Variants in MACROD2 observed in about 807,000 individuals in gnomAD.
MACROD2 encodes mono-ADP ribosylhydrolase 2.
MACROD2 carries 36 observed loss-of-function variants against 70.4 expected under a neutral mutation model. The ratio of observed to expected loss-of-function variants is 0.51; its 90% CI spans 0.39 to 0.68. The LOEUF is 0.68. Among genes scored for constraint, MACROD2 ranks in the 30% least tolerant of loss-of-function variants. MACROD2 has a pLI of 0.00. For synonymous variants in MACROD2, 172 were observed against 178.8 expected (o/e 0.96, Z 0.30); for missense variants, 496 against 538.4 (o/e 0.92, Z 0.78).
At chr20:15,127,558 T>C (rs887981889) in intron 5 of MACROD2, among the ~76,000 whole-genome samples, 2 of 152,072 alleles carry the variant, frequency 1.3e-5, no homozygotes, top group Admixed American at 1.3e-4. Flanking sequence ...TGGTTGGAGC[T>C]GGAGGCTCTA....
intron 3 of MACROD2, among the ~76,000 whole-genome samples, chr20:14,214,446 A>G (rs957076126): frequency 6.6e-5 from 10 of 152,130 alleles, no homozygotes; most frequent in Admixed American, 3.9e-4. Context: ...GTTGTTATGT[A>G]TTGAACACAA....
chr20:15,932,836 A>G (rs2065599621), intron 10 of MACROD2, among the ~76,000 whole-genome samples: 2 of 152,220 alleles, frequency 1.3e-5, no homozygotes, highest in South Asian at 4.1e-4. Flanking sequence ...AGACTGCCAT[A>G]TGGAAGTTAA....
At chr20:15,261,035 C>T (rs1190304256) in intron 6 of MACROD2, among the ~76,000 whole-genome samples, 2 of 151,908 alleles carry the variant, frequency 1.3e-5, no homozygotes, top group Non-Finnish European at 2.9e-5. Context: ...AAACTATTGG[C>T]CTTGCTATAT....
rs1033713722 is a variant in MACROD2, at chr20:15,590,944, A to AGG, written c.645+91098_645+91099insGG. Among the ~76,000 whole-genome samples the AGG allele has an allele frequency of 5.5e-5, 7 of 126,952 alleles. No individual in the cohort carries two copies. In the Admixed American group the frequency reaches 6.2e-4, roughly 11 times the overall value. The allele number at this position is 126,952 out of a possible 152,430, so 83.3% of individuals were successfully genotyped here. A position where few individuals can be genotyped will look rare whatever the true frequency, so the allele number is the denominator to read the frequency against. ...GAAAGAAGGAAGGAAGGAAAGAGAG[A>AGG]GAAAGAAAGAAAGAAAAAGAAAGAA... On this transcript the variant is annotated intron_variant, in intron 8 of 17. Coordinates refer to ENST00000684519, the MANE Select transcript of MACROD2 (RefSeq NM_001351661.2).
chr20:15,217,216 A>C (rs755560999), intron 5 of MACROD2, among the ~76,000 whole-genome samples: 1 of 152,194 alleles, frequency 6.6e-6, no homozygotes, highest in Non-Finnish European at 1.5e-5. Context: ...ATATTGACTA[A>C]ATAGAGAAGA....
intron 8 of MACROD2, among the ~76,000 whole-genome samples, chr20:15,543,653 A>C (rs1195210748): frequency 6.6e-6 from 1 of 152,226 alleles, no homozygotes; most frequent in Admixed American, 6.5e-5. Context: ...GCAGTGGCTT[A>C]AAACAGTAAG....
intron 8 of MACROD2, among the ~76,000 whole-genome samples, chr20:15,514,422 A>G (rs1411780190): frequency 1.3e-5 from 2 of 152,246 alleles, no homozygotes; most frequent in African/African-American, 4.8e-5. Context: ...ATGTTTAGAT[A>G]CACAAGTACT....
At chr20:14,173,570 T>C (rs1348084664) in intron 3 of MACROD2, among the ~76,000 whole-genome samples, 1 of 152,230 alleles carries the variant, frequency 6.6e-6, no homozygotes, top group African/African-American at 2.4e-5. Flanking sequence ...TTCTCTGGTT[T>C]CCCTGATTCA....
intron 7 of MACROD2, among the ~76,000 whole-genome samples, chr20:15,458,367 A>G (rs149527773): frequency 4.1e-4 from 63 of 152,248 alleles, no homozygotes; most frequent in African/African-American, 1.5e-3. Flanking sequence ...CAAACTCAGG[A>G]CGATATTTGG....
chr20:15,115,910 G>A (rs1353238314), intron 5 of MACROD2, among the ~76,000 whole-genome samples: 1 of 152,138 alleles, frequency 6.6e-6, no homozygotes, highest in East Asian at 1.9e-4. Context: ...GATCTTCAAA[G>A]TGAGTGTGTA....
intron 5 of MACROD2, among the ~76,000 whole-genome samples, chr20:14,980,876 T>A (rs888548749): frequency 6.6e-5 from 10 of 152,142 alleles, no homozygotes; most frequent in African/African-American, 2.4e-4. Flanking sequence ...CTAATTCACT[T>A]TTTCCTTGCT....
At chr20:14,023,338 A>G (rs117559519) in intron 2 of MACROD2, among the ~76,000 whole-genome samples, 3,531 of 152,224 alleles carry the variant, frequency 0.023, 54 homozygotes, top group Non-Finnish European at 0.039. Context: ...ATTGTTTCCC[A>G]TTCTGTAGGT....
At chr20:15,045,646 A>G (rs2075387327) in intron 5 of MACROD2, among the ~76,000 whole-genome samples, 1 of 149,890 alleles carries the variant, frequency 6.7e-6, no homozygotes, top group Non-Finnish European at 1.5e-5. Context: ...AAAGGCCACC[A>G]TTACCCATAG....
Position 13,999,546 on chromosome 20 carries a change from G to T in MACROD2, c.47-2742G>T, listed in dbSNP as rs77397509. On this transcript the variant is annotated intron_variant, in intron 1 of 17. Coordinates refer to ENST00000684519, the MANE Select transcript of MACROD2 (RefSeq NM_001351661.2). ...ACTATATGAGGCGAAATATTGTGAG[G>T]TTAAGAGCTTTGAATACCAGTTGCC... 2.1e-3 allele frequency among the ~76,000 whole-genome samples: 313 copies of T among 152,276 alleles called. 5 individuals carry two copies. In the East Asian group the frequency reaches 0.048, roughly 23 times the overall value.
chr20:14,391,737 A>C (rs937760983), intron 3 of MACROD2, among the ~76,000 whole-genome samples: 5 of 149,852 alleles, frequency 3.3e-5, no homozygotes, highest in African/African-American at 1.2e-4. Flanking sequence ...CAAATATTGC[A>C]TGTTCTCACT....
At chr20:15,240,974 T>C (rs1051496425) in intron 6 of MACROD2, among the ~76,000 whole-genome samples, 8 of 152,202 alleles carry the variant, frequency 5.3e-5, no homozygotes, top group African/African-American at 9.6e-5. Flanking sequence ...ATTCCTGTTG[T>C]TTAAGCCTCC....
At chr20:14,566,820 A>G (rs990745423) in intron 4 of MACROD2, 1 of 152,048 alleles carries the variant, frequency 6.6e-6, no homozygotes, top group East Asian at 1.9e-4. Flanking sequence ...ACAGCACAGC[A>G]TTAACACTTA....
intron 15 of MACROD2, among the ~76,000 whole-genome samples, chr20:16,023,729 T>C (rs1029811104): frequency 6.6e-6 from 1 of 152,156 alleles, no homozygotes; most frequent in Non-Finnish European, 1.5e-5. Context: ...CACCTCAGAA[T>C]TGTACAGTCA....
chr20:15,028,411 G>A (rs769550707), intron 5 of MACROD2, among the ~76,000 whole-genome samples: 84 of 152,178 alleles, frequency 5.5e-4, no homozygotes, highest in Non-Finnish European at 1.6e-4. Flanking sequence ...AATTAGCGAA[G>A]TCCAAGCAAA....
Sources: allele counts gnomAD v4.1 joint callset (sites outside exome capture counted in the v4.1 genomes callset), GRCh38; gene constraint gnomAD v4.1.1; transcripts MANE v1.5; gene names NCBI Gene and HGNC (gene_info 2026-07-23, HGNC 2026-07-21).